Variants in TIAL1 observed in about 807,000 individuals in gnomAD.
TIAL1 encodes TIA1 cytotoxic granule associated RNA binding protein like 1.
Under a neutral mutation model 59.7 loss-of-function variants are expected in TIAL1, and 7 were observed. The observed-to-expected ratio is 0.12, with a 90% confidence interval of 0.07 to 0.22. The LOEUF (loss-of-function observed/expected upper bound fraction) is 0.22. TIAL1 is among the 10% of genes least tolerant of loss of function. The probability of loss-of-function intolerance (pLI) is 1.00; values close to 1 mark genes in which losing one functional copy is unlikely to be tolerated. For synonymous variants in TIAL1, 149 were observed against 146.3 expected (o/e 1.02, Z -0.13); for missense variants, 225 against 462.5 (o/e 0.49, Z 4.71).
intron 2 of TIAL1, 112 bp downstream of exon 2, chr10:119,588,040 C>T: frequency 1.7e-6 from 1 of 590,542 alleles, no homozygotes; most frequent in Non-Finnish European, 2.6e-6. Context: ...AATAAGTCAA[C>T]ACAACACAAA....
intron 2 of TIAL1, among the ~76,000 whole-genome samples, chr10:119,584,367 A>G (rs1845443505): frequency 6.6e-6 from 1 of 151,952 alleles, no homozygotes; most frequent in Non-Finnish European, 1.5e-5. Context: ...AGAATCTATG[A>G]TAACAACATC....
Position 119,575,611 on chromosome 10 carries a change from G to T in TIAL1, c.*54C>A, listed in dbSNP as rs1844946702. ...ATGTCTACTTTCATGTCTTCAGAGT[G>T]TCACAGGAAATCGAAGCCTATCATG... On this transcript the variant is annotated 3_prime_UTR_variant, in exon 12 of 12. Coordinates refer to ENST00000436547, the MANE Select transcript of TIAL1 (RefSeq NM_003252.4). 7 of 1,601,890 alleles carry T rather than the reference G, an allele frequency of 4.4e-6. No individual in the cohort carries two copies. The highest frequency in any genetic ancestry group is 5.1e-6 in the Non-Finnish European group (6 of 1,169,982).
intron 2 of TIAL1, among the ~76,000 whole-genome samples, chr10:119,583,246 GTGA>G (rs1845382866): frequency 6.6e-6 from 1 of 152,056 alleles, no homozygotes; most frequent in Admixed American, 6.6e-5. Context: ...AATAACAGTG[GTGA>G]TCAAGAAAAG....
chr10:119,580,867 T>A, intron 5 of TIAL1: 1 of 1,223,986 alleles, frequency 8.2e-7, no homozygotes, highest in Non-Finnish European at 1.0e-6. Flanking sequence ...ACCAGAATGC[T>A]ATTACTTTTA....
At chr10:119,579,858 G>A in intron 6 of TIAL1, 77 bp downstream of exon 6, 1 of 1,176,202 alleles carries the variant, frequency 8.5e-7, no homozygotes, top group South Asian at 1.6e-5. Context: ...GTATATTCAA[G>A]TTTCAGATTC....
Position 119,575,308 on chromosome 10 carries a change from C to T in TIAL1, c.*357G>A. On this transcript the variant is annotated 3_prime_UTR_variant, in exon 12 of 12. Transcript: ENST00000436547. ...CCTCCCTTTTTTGCTCTTTTAAAAA[C>T]ACAGTGAGTTAAAATACTGAACAGC... 1 of 182,014 alleles carries T rather than the reference C, an allele frequency of 5.5e-6. No individual in the cohort carries two copies. The highest frequency in any genetic ancestry group is 1.2e-5 in the Non-Finnish European group (1 of 86,314). The allele number at this position is 182,014 out of a possible 1,614,324, so 11.3% of individuals were successfully genotyped here.
At chr10:119,580,492 T>G (rs779271958) in intron 5 of TIAL1, 125 of 1,038,674 alleles carry the variant, frequency 1.2e-4, no homozygotes, top group Non-Finnish European at 1.4e-4. Context: ...ACAGATTTCT[T>G]TATTTTTCTT....
chr10:119,581,022 G>A (rs554454528), intron 5 of TIAL1, among the ~76,000 whole-genome samples: 6 of 151,936 alleles, frequency 3.9e-5, no homozygotes, highest in Non-Finnish European at 8.8e-5. Flanking sequence ...TATCAAAACA[G>A]AAAGTTAAGA....
chr10:119,577,148 T>G lies in TIAL1; in HGVS notation c.793A>C (p.Ile265Leu). The change falls in exon 10 of 12, where the codon ATT (isoleucine) becomes CTT (leucine). Residue 265 changes from isoleucine (I) to leucine (L), a missense_variant. By Grantham distance (5) the Ile-to-Leu change is conservative. Around this residue, in one of 4 missense-constraint regions of TIAL1, gnomAD observed 80 missense variants for 158.8 expected, o/e 0.50. Transcript: ENST00000436547. ...TAGCATTTAACCACATGTCCTTCAA[T>G]CGTAGTACCGTTCACCGAAACAATG... is the stretch of plus-strand genomic sequence containing the variant. ...HAIVSVNGTT[I>L]EGHVVKCYWG... 6.2e-7 allele frequency: 1 copy of G among 1,613,902 alleles called. No homozygotes were observed. The highest frequency in any genetic ancestry group is 8.5e-7 in the Non-Finnish European group (1 of 1,179,932).
chr10:119,596,318 T>G lies in TIAL1; in HGVS notation c.32+116A>C. 2.6e-6 allele frequency: 3 copies of G among 1,165,490 alleles called. No homozygotes were observed. In the Admixed American group the frequency reaches 5.6e-5, roughly 22 times the overall value. 72.2% of individuals were successfully genotyped at this position (1,165,490 alleles called of 1,614,324 possible). A position where few individuals can be genotyped will look rare whatever the true frequency, so the allele number is the denominator to read the frequency against. On this transcript the variant is annotated intron_variant, in intron 1 of 11. Coordinates refer to ENST00000436547, the MANE Select transcript of TIAL1 (RefSeq NM_003252.4). ...AATGCACTTCGCGTCCACGCCGCCC[T>G]GGTCAGGGAGCCGCCTAGAGTCCCG...
In TIAL1 at chr10:119,582,136, T is replaced by A; in HGVS notation, c.283+33A>T. The A allele has an allele frequency of 1.2e-6, 2 of 1,602,614 alleles. No individual in the cohort carries two copies. Among genetic ancestry groups the A allele is most frequent in the Non-Finnish European group, 1.7e-6 (2 of 1,176,052 alleles). On this transcript the variant is annotated intron_variant, in intron 4 of 11. Transcript: ENST00000436547. This position sits in a 1 kb window ranked among gnomAD's most constrained non-coding sequence, Gnocchi z 5.1. ...AATGCCTCCTGGATAATTTCAGAACTCTTCCACAGTAAAATGCAGCAGGAG... is the reference window on the plus strand; with the variant it reads ...AATGCCTCCTGGATAATTTCAGAACACTTCCACAGTAAAATGCAGCAGGAG...
Position 119,596,584 on chromosome 10 carries a change from G to C in TIAL1, c.-119C>G. 1.2e-6 allele frequency: 1 copy of C among 800,674 alleles called. No individual in the cohort carries two copies. The highest frequency in any genetic ancestry group is 2.0e-6 in the Non-Finnish European group (1 of 508,544). The allele number at this position is 800,674 out of a possible 1,614,324, so 49.6% of individuals were successfully genotyped here. On this transcript the variant is annotated 5_prime_UTR_variant, in exon 1 of 12. Transcript: ENST00000436547. Reference sequence around the variant, plus strand: ...GGCTGGGGACAGAGGAAAAGGCACCGAACCCTGCTCTCGGGCTCTCTCCCC... The same window carrying C: ...GGCTGGGGACAGAGGAAAAGGCACCCAACCCTGCTCTCGGGCTCTCTCCCC...
At chr10:119,576,517 A>G in intron 11 of TIAL1, 94 bp downstream of exon 11, 1 of 1,486,268 alleles carries the variant, frequency 6.7e-7, no homozygotes, top group East Asian at 2.3e-5. Context: ...AGCTCAATGT[A>G]TATAATTAAA....
rs1168200167 is a variant in TIAL1, at chr10:119,582,202, T to C, written c.250A>G (p.Thr84Ala). 3 of 1,604,886 alleles carry C rather than the reference T, an allele frequency of 1.9e-6. No homozygotes were observed. The highest frequency in any genetic ancestry group is 1.7e-6 in the Non-Finnish European group (2 of 1,177,228). The change falls in exon 4 of 12, where the codon ACC (threonine) becomes GCC (alanine). Residue 84 changes from threonine to alanine, a missense_variant. Around this residue, in one of 4 missense-constraint regions of TIAL1, gnomAD observed 38 missense variants for 173.0 expected, o/e 0.22. Coordinates refer to ENST00000436547, the MANE Select transcript of TIAL1 (RefSeq NM_003252.4). This position sits in a 1 kb window ranked among gnomAD's most constrained non-coding sequence, Gnocchi z 5.1. ...TCTTTTTTCTGGCTACTTGGTGTGG[T>C]TGCCCAGTTTACTTTGACCTCCTAA... ...LGKEVKVNWATTPSSQKKDTS... is the reference protein window; with the variant it reads ...LGKEVKVNWAATPSSQKKDTS...
At chr10:119,581,754 A>G (rs1845318458) in intron 5 of TIAL1, 168 bp downstream of exon 5, 1 of 544,116 alleles carries the variant, frequency 1.8e-6, no homozygotes. Context: ...TGACATTAAC[A>G]TTTTCAACAA....
In TIAL1 at chr10:119,588,194, G is replaced by C; in HGVS notation, c.87C>G (p.Phe29Leu). The C allele has an allele frequency of 6.3e-7, 1 of 1,599,368 alleles. No individual in the cohort carries two copies. The highest frequency in any genetic ancestry group is 8.5e-7 in the Non-Finnish European group (1 of 1,171,438). Residue 29 changes from phenylalanine (F) to leucine (L), a missense_variant, in exon 2 of 12, where the codon TTC (phenylalanine) becomes TTG (leucine). Around this residue, in one of 4 missense-constraint regions of TIAL1, gnomAD observed 39 missense variants for 59.5 expected, o/e 0.66. Transcript: ENST00000436547. ...DVTEVLILQL[F>L]SQIGPCKSCK... ...AGCTTTTACAGGGTCCAATCTGACT[G>C]AACAACTGAAGTATAAGGACTTCTG...
chr10:119,595,405 A>G (rs1846113265), intron 1 of TIAL1, among the ~76,000 whole-genome samples: 1 of 150,602 alleles, frequency 6.6e-6, no homozygotes, highest in African/African-American at 2.5e-5. Context: ...AGGGTGCCCA[A>G]TTTAAACATT....
rs1318595530 is a variant in TIAL1 at position 119,581,063 on chromosome 10, GAAC to G, written c.371+856_371+858del. On this transcript the variant is annotated intron_variant, in intron 5 of 11. Transcript: ENST00000436547. ...ATCTTTTAAAGAAATTAAATCTATAGAACAACAAATTGTATAGAGAAAATATTG... is the reference window on the plus strand; with the variant it reads ...ATCTTTTAAAGAAATTAAATCTATAGAACAAATTGTATAGAGAAAATATTG... Among the ~76,000 whole-genome samples the G allele has an allele frequency of 2.6e-5, 4 of 151,842 alleles. No homozygotes were observed. The East Asian group carries it at 7.7e-4, about 29-fold the overall frequency.
At chr10:119,592,272 C>T (rs1420704452) in intron 1 of TIAL1, 2 of 152,136 alleles carry the variant, frequency 1.3e-5, no homozygotes, top group Non-Finnish European at 2.9e-5. Context: ...TCTATTTTGT[C>T]TTCTAAGAAC....
Sources: allele counts gnomAD v4.1 joint callset (sites outside exome capture counted in the v4.1 genomes callset), GRCh38; gene constraint gnomAD v4.1.1; regional missense constraint gnomAD v4.1.1; non-coding constraint Gnocchi (gnomAD v3.1); transcripts MANE v1.5; gene names NCBI Gene and HGNC (gene_info 2026-07-23, HGNC 2026-07-21).